The following TSNARE1 variants were observed in gnomAD, a reference collection of about 807,000 sequenced individuals.
TSNARE1 encodes the protein t-SNARE domain containing 1.
TSNARE1 carries 49 observed loss-of-function variants against 62.0 expected under a neutral mutation model. The ratio of observed to expected loss-of-function variants is 0.79; its 90% confidence interval spans 0.63 to 1.00. TSNARE1 has a LOEUF of 1.00. Ranked by LOEUF, TSNARE1 falls within the 50% of genes least tolerant of loss-of-function variation. The pLI, the probability that TSNARE1 is intolerant of heterozygous loss-of-function variation, is 0.00. For synonymous variants in TSNARE1, 328 were observed against 294.4 expected (o/e 1.11, Z -1.17); for missense variants, 755 against 700.1 (o/e 1.08, Z -0.88).
At chr8:142,275,172 G>C in intron 11 of TSNARE1, 1 of 985,402 alleles carries the variant, frequency 1.0e-6, no homozygotes, top group Non-Finnish European at 1.2e-6. Flanking sequence ...GTGAGGGCTG[G>C]GGTCAAGTCC....
chr8:142,278,518 C>T (rs559715361), intron 11 of TSNARE1: 19 of 985,396 alleles, frequency 1.9e-5, no homozygotes, highest in South Asian at 1.4e-4. Flanking sequence ...CCACCATATG[C>T]GGAGGACGGC....
At chr8:142,224,169 G>C (rs1454023583) in intron 13 of TSNARE1, among the ~76,000 whole-genome samples, 1 of 152,232 alleles carries the variant, frequency 6.6e-6, no homozygotes, top group African/African-American at 2.4e-5. Flanking sequence ...GCCTGGAGAG[G>C]CTTCTGGAAA....
chr8:142,229,604 C>A (rs1228247843), intron 12 of TSNARE1, 25 bp from the exon 13 acceptor site: 1 of 1,607,814 alleles, frequency 6.2e-7, no homozygotes, highest in African/African-American at 1.3e-5. Flanking sequence ...GAGGTTGTTT[C>A]CATATCCTGG....
intron 1 of TSNARE1, among the ~76,000 whole-genome samples, chr8:142,382,689 G>A (rs1326661944): frequency 6.6e-6 from 1 of 152,216 alleles, no homozygotes; most frequent in Non-Finnish European, 1.5e-5. Context: ...CATCCACTCA[G>A]GCACATTTCA....
At chr8:142,283,393 G>A (rs80039812) in intron 11 of TSNARE1, among the ~76,000 whole-genome samples, 30,081 of 141,178 alleles carry the variant, frequency 0.21, 3,960 homozygotes, top group African/African-American at 0.33. Context: ...GAGCAGAGGC[G>A]GGGTTAGTGT....
At chr8:142,383,438 T>C (rs1416218888) in intron 1 of TSNARE1, among the ~76,000 whole-genome samples, 1 of 150,560 alleles carries the variant, frequency 6.6e-6, no homozygotes, top group South Asian at 2.1e-4. Context: ...AGAGTGCAAA[T>C]GCCAGACAGC....
At chr8:142,371,757 C>A (rs1405497606) in intron 1 of TSNARE1, among the ~76,000 whole-genome samples, 1 of 152,152 alleles carries the variant, frequency 6.6e-6, no homozygotes. Flanking sequence ...GTGAGCTAAA[C>A]GCCAACTCTT....
At chr8:142,374,171 G>A (rs760714354) in intron 1 of TSNARE1, among the ~76,000 whole-genome samples, 1 of 151,842 alleles carries the variant, frequency 6.6e-6, no homozygotes, top group Non-Finnish European at 1.5e-5. Context: ...AGGCGTGGTG[G>A]CCCACACCTG....
chr8:142,389,969 G>A (rs1304140594), intron 1 of TSNARE1, among the ~76,000 whole-genome samples: 1 of 152,128 alleles, frequency 6.6e-6, no homozygotes, highest in African/African-American at 2.4e-5. Flanking sequence ...AAAATCTATT[G>A]CTCCAGGCTA....
At chr8:142,212,559 C>T (rs1815596782) in intron 13 of TSNARE1, among the ~76,000 whole-genome samples, 1 of 152,036 alleles carries the variant, frequency 6.6e-6, no homozygotes, top group Non-Finnish European at 1.5e-5. Flanking sequence ...CATCCCCTGC[C>T]CTGCACTCCA....
chr8:142,398,739 G>A (rs1422358268), intron 1 of TSNARE1, among the ~76,000 whole-genome samples: 1 of 152,216 alleles, frequency 6.6e-6, no homozygotes, highest in Non-Finnish European at 1.5e-5. Flanking sequence ...CAGCAGCCCT[G>A]ATGGCAGGGG....
At chr8:142,325,410 G>A (rs778261208) in intron 6 of TSNARE1, among the ~76,000 whole-genome samples, 9 of 152,338 alleles carry the variant, frequency 5.9e-5, no homozygotes, top group South Asian at 4.1e-4. Flanking sequence ...ACAATCCACC[G>A]TCGGGGGCAA....
chr8:142,356,825 G>C (rs1236960291), intron 1 of TSNARE1, among the ~76,000 whole-genome samples: 7 of 152,168 alleles, frequency 4.6e-5, no homozygotes, highest in Non-Finnish European at 5.9e-5. Context: ...AAGTGGTGGA[G>C]AAGGTTTCAG....
In TSNARE1 at chr8:142,344,382, T is replaced by C. The variant is rs773397642; in HGVS notation, c.329A>G (p.His110Arg). 2.5e-6 allele frequency: 4 copies of C among 1,573,938 alleles called. No homozygotes were observed. Among genetic ancestry groups the C allele is most frequent in the Non-Finnish European group, 1.7e-6 (2 of 1,164,346 alleles). Reference sequence around the variant, plus strand: ...AGTGCTGGGCCCCGCCATCCGGCCATGGGGCCCAGCAGCCGAGTCCTTCCT... The same window carrying C: ...AGTGCTGGGCCCCGCCATCCGGCCACGGGGCCCAGCAGCCGAGTCCTTCCT... Reference protein sequence around the residue: ...GPRKDSAAGPHGRMAGPSTTR... With the variant: ...GPRKDSAAGPRGRMAGPSTTR... The change falls in exon 4 of 14, where the codon CAT becomes CGT. Residue 110 changes from histidine (H) to arginine (R), a missense_variant. His to Arg is a conservative substitution (Grantham distance 29). Coordinates refer to ENST00000524325, the MANE Select transcript of TSNARE1 (RefSeq NM_145003.5).
At chr8:142,325,207 C>A (rs112829046) in intron 6 of TSNARE1, among the ~76,000 whole-genome samples, 1,642 of 152,212 alleles carry the variant, frequency 0.011, 25 homozygotes, top group African/African-American at 0.037. Flanking sequence ...AAGCCTGAGG[C>A]CGTGGGACTG....
chr8:142,376,386 G>A (rs1276909875), intron 1 of TSNARE1, among the ~76,000 whole-genome samples: 1 of 152,224 alleles, frequency 6.6e-6, no homozygotes, highest in Non-Finnish European at 1.5e-5. Context: ...AGGCGATGGC[G>A]TTAGCAGGTG....
At chr8:142,384,301 G>T (rs1836967385) in intron 1 of TSNARE1, among the ~76,000 whole-genome samples, 1 of 152,154 alleles carries the variant, frequency 6.6e-6, no homozygotes, top group Non-Finnish European at 1.5e-5. Flanking sequence ...GAAGGAAGCT[G>T]CAAGGACTCT....
At chr8:142,229,030 G>C (rs938285274) in intron 13 of TSNARE1, among the ~76,000 whole-genome samples, 1 of 151,798 alleles carries the variant, frequency 6.6e-6, no homozygotes, top group Non-Finnish European at 1.5e-5. Context: ...TGGATGGATG[G>C]ATGGATGGGT....
At position 142,318,729 on chromosome 8, in the gene TSNARE1, C is replaced by T. The variant is rs920660897; in HGVS notation, c.894-95G>A. On this transcript the variant is annotated intron_variant, in intron 6 of 13. Coordinates refer to ENST00000524325, the MANE Select transcript of TSNARE1 (RefSeq NM_145003.5). The stretch of plus-strand genomic sequence containing the variant: ...ACGGAGCAAGCAGGGACGCACGGGC[C>T]GAGTGGGGGAGACAGAGACAGATGG... 1.9e-4 allele frequency: 222 copies of T among 1,146,846 alleles called. No homozygotes were observed. The highest frequency in any genetic ancestry group is 4.4e-4 in the African/African-American group (29 of 65,796). 71.0% of individuals were successfully genotyped at this position (1,146,846 alleles called of 1,614,324 possible).
Sources: allele counts gnomAD v4.1 joint callset (sites outside exome capture counted in the v4.1 genomes callset), GRCh38; gene constraint gnomAD v4.1.1; transcripts MANE v1.5; gene names NCBI Gene and HGNC (gene_info 2026-07-23, HGNC 2026-07-21).